The following GNAQ variants were observed in gnomAD, a reference collection of about 807,000 sequenced individuals.
The protein encoded by GNAQ is guanine nucleotide-binding protein G(q) subunit alpha.
GNAQ carries 8 observed loss-of-function variants against 43.9 expected under a neutral mutation model. That is an observed-to-expected ratio of 0.18 (90% CI 0.11 to 0.33). The LOEUF (loss-of-function observed/expected upper bound fraction) is 0.33, where lower values mean the gene tolerates loss of function less well. Ranked by LOEUF, GNAQ falls within the 10% of genes least tolerant of loss-of-function variation. GNAQ has a pLI of 1.00. For synonymous variants in GNAQ, 155 were observed against 170.7 expected (o/e 0.91, Z 0.71); for missense variants, 158 against 450.8 (o/e 0.35, Z 5.88).
chr9:78,006,107 A>G (rs1369520627), intron 1 of GNAQ, among the ~76,000 whole-genome samples: 2 of 152,178 alleles, frequency 1.3e-5, no homozygotes, highest in East Asian at 3.8e-4. Context: ...AATGCTATTG[A>G]TTTAAATGCC....
intron 3 of GNAQ, among the ~76,000 whole-genome samples, chr9:77,815,373 TCAGTTTGTTTTTCAAA>T (rs1219133482): frequency 1.3e-5 from 2 of 152,126 alleles, no homozygotes; most frequent in East Asian, 3.9e-4. Context: ...CCTAGAGTCT[TCAGTTTGTTTTTCAAA>T]CAGAAAACAG....
At chr9:77,969,570 G>A (rs187123136) in intron 1 of GNAQ, among the ~76,000 whole-genome samples, 1 of 152,254 alleles carries the variant, frequency 6.6e-6, no homozygotes, top group Admixed American at 6.5e-5. Context: ...ACTAATGTAT[G>A]TTTTATATAA....
At chr9:77,840,903 G>C (rs768348554) in intron 2 of GNAQ, among the ~76,000 whole-genome samples, 12 of 152,104 alleles carry the variant, frequency 7.9e-5, no homozygotes, top group Non-Finnish European at 1.2e-4. Flanking sequence ...ACTGGAGAGA[G>C]ATGAAAGGGA....
rs772721448 is a variant in GNAQ at position 78,030,562 on chromosome 9, A to G, written c.136+538T>C. ...CTGCGAGTCTGCCCACCGTTCCCCC[A>G]TTCCCTCCTGACCCCATAGGGCACT... On this transcript the variant is annotated intron_variant, in intron 1 of 6. Transcript: ENST00000286548. 1.2e-3 allele frequency: 583 copies of G among 470,218 alleles called. 2 individuals are homozygous for G. The highest frequency in any genetic ancestry group is 5.8e-4 in the Non-Finnish European group (132 of 226,770). The allele number at this position is 470,218 out of a possible 1,614,324, so 29.1% of individuals were successfully genotyped here. A position where few individuals can be genotyped will look rare whatever the true frequency, so the allele number is the denominator to read the frequency against.
chr9:77,886,881 CA>C lies in GNAQ; in HGVS notation c.321+35279del, dbSNP rs1450126329. ...ATCCCAGCACTTTGGGAGGCTGAGG[CA>C]GGGGGATCATGAGGTCAGGGGTTCA... On this transcript the variant is annotated intron_variant, in intron 2 of 6. Transcript: ENST00000286548. 5.3e-5 allele frequency among the ~76,000 whole-genome samples: 8 copies of C among 151,146 alleles called. No homozygotes were observed. The East Asian group carries it at 5.8e-4, about 11-fold the overall frequency.
At chr9:77,961,762 A>C (rs150310542) in intron 1 of GNAQ, among the ~76,000 whole-genome samples, 1 of 152,194 alleles carries the variant, frequency 6.6e-6, no homozygotes. Context: ...GGAATCCAAA[A>C]TATCCAGCAA....
At chr9:77,837,177 CTT>C (rs1241263241) in intron 2 of GNAQ, among the ~76,000 whole-genome samples, 3 of 151,942 alleles carry the variant, frequency 2.0e-5, no homozygotes, top group Admixed American at 6.6e-5. Flanking sequence ...GTTAATCAGT[CTT>C]TCTCTCTATT....
intron 5 of GNAQ, among the ~76,000 whole-genome samples, chr9:77,772,658 G>A (rs1395562878): frequency 6.6e-6 from 1 of 152,176 alleles, no homozygotes; most frequent in African/African-American, 2.4e-5. Context: ...CCTGGTTCAA[G>A]GTACTAATAA....
At chr9:77,734,351 C>T (rs773877516) in intron 5 of GNAQ, among the ~76,000 whole-genome samples, 10 of 152,186 alleles carry the variant, frequency 6.6e-5, no homozygotes, top group Non-Finnish European at 1.5e-4. Context: ...ATCCACCTGT[C>T]TCTCCCGGGT....
intron 2 of GNAQ, among the ~76,000 whole-genome samples, chr9:77,853,424 A>G (rs1827701989): frequency 6.6e-6 from 1 of 152,198 alleles, no homozygotes. Context: ...ACATATTATT[A>G]TTATTTATAC....
chr9:77,840,672 G>A (rs755224533), intron 2 of GNAQ, among the ~76,000 whole-genome samples: 9 of 151,822 alleles, frequency 5.9e-5, no homozygotes, highest in Admixed American at 3.3e-4. Flanking sequence ...TAACATGTTT[G>A]GTCTTACATC....
intron 1 of GNAQ, among the ~76,000 whole-genome samples, chr9:77,941,907 T>TATACACACAC (rs1429009548): frequency 1.4e-5 from 2 of 140,994 alleles, no homozygotes; most frequent in African/African-American, 5.3e-5. Flanking sequence ...ACAACATACA[T>TATACACACAC]ACACACACAC....
chr9:77,865,552 C>A (rs182561328), intron 2 of GNAQ, among the ~76,000 whole-genome samples: 1 of 152,312 alleles, frequency 6.6e-6, no homozygotes, highest in African/African-American at 2.4e-5. Flanking sequence ...GCATCACCAA[C>A]CACGTGACAA....
At chr9:77,926,895 G>T (rs1829079563) in intron 1 of GNAQ, among the ~76,000 whole-genome samples, 1 of 152,098 alleles carries the variant, frequency 6.6e-6, no homozygotes, top group Admixed American at 6.6e-5. Context: ...TGCGTAATTG[G>T]CTATAAGGAA....
intron 3 of GNAQ, among the ~76,000 whole-genome samples, chr9:77,801,715 A>G (rs1400757300): frequency 6.6e-6 from 1 of 152,254 alleles, no homozygotes; most frequent in East Asian, 1.9e-4. Context: ...AGAACCAAAA[A>G]CCAAACCAAA....
chr9:77,915,627 A>C (rs916526881), intron 2 of GNAQ, among the ~76,000 whole-genome samples: 1 of 151,580 alleles, frequency 6.6e-6, no homozygotes, highest in African/African-American at 2.4e-5. Flanking sequence ...TAGAGAGTTA[A>C]AACAATTGAA....
intron 1 of GNAQ, among the ~76,000 whole-genome samples, chr9:77,992,103 C>G (rs1462411160): frequency 1.3e-5 from 2 of 152,160 alleles, no homozygotes; most frequent in Non-Finnish European, 2.9e-5. Context: ...ACTGCTGGAT[C>G]GAATGGTAGT....
chr9:77,990,463 C>A (rs1255069251), intron 1 of GNAQ, among the ~76,000 whole-genome samples: 1 of 152,124 alleles, frequency 6.6e-6, no homozygotes, highest in Non-Finnish European at 1.5e-5. Context: ...CTCAAGTGAT[C>A]CTCATGCCTC....
intron 5 of GNAQ, among the ~76,000 whole-genome samples, chr9:77,763,293 C>T (rs905642344): frequency 2.0e-5 from 3 of 152,142 alleles, no homozygotes; most frequent in Admixed American, 2.0e-4. Flanking sequence ...TTTAACATCG[C>T]TTTGCCTTCC....
Sources: allele counts gnomAD v4.1 joint callset (sites outside exome capture counted in the v4.1 genomes callset), GRCh38; gene constraint gnomAD v4.1.1; transcripts MANE v1.5; gene names NCBI Gene and HGNC (gene_info 2026-07-23, HGNC 2026-07-21).